The following SEL1L3 variants were observed in gnomAD, a reference collection of about 807,000 sequenced individuals.
SEL1L3 encodes SEL1L family member 3.
Under a neutral mutation model 142.8 loss-of-function variants are expected in SEL1L3, and 76 were observed. The ratio of observed to expected loss-of-function variants is 0.53; its 90% confidence interval spans 0.44 to 0.64. SEL1L3 has a LOEUF of 0.64. Ranked by LOEUF, SEL1L3 falls within the 30% of genes least tolerant of loss-of-function variation. The pLI, the probability that SEL1L3 is intolerant of heterozygous loss-of-function variation, is 0.00. For synonymous variants in SEL1L3, 504 were observed against 519.6 expected, an observed-to-expected ratio of 0.97 and a Z score of 0.41; for missense variants, 1,262 against 1,381.7, an observed-to-expected ratio of 0.91 and a Z score of 1.37.
chr4:25,757,912 C>A (rs760042836), intron 21 of SEL1L3, 122 bp from the exon 22 acceptor site: 3 of 684,648 alleles, frequency 4.4e-6, no homozygotes, highest in Non-Finnish European at 7.7e-6. Context: ...GCACACTCAA[C>A]TGACAAAGAT....
chr4:25,767,707 A>C, intron 18 of SEL1L3, 33 bp downstream of exon 18: 1 of 1,499,922 alleles, frequency 6.7e-7, no homozygotes. Flanking sequence ...TTAACCTCAG[A>C]GCTTCTACTC....
At chr4:25,822,490 T>C (rs768809210) in intron 6 of SEL1L3, among the ~76,000 whole-genome samples, 6 of 152,136 alleles carry the variant, frequency 3.9e-5, no homozygotes, top group Non-Finnish European at 7.4e-5. Flanking sequence ...GTATTGATAG[T>C]GGTGGTATTG....
chr4:25,759,976 T>A (rs902188142), intron 20 of SEL1L3: 2 of 152,182 alleles, frequency 1.3e-5, no homozygotes, highest in African/African-American at 4.8e-5. Flanking sequence ...GTCATACAGA[T>A]TATTTTGTTA....
rs1371830288 is a variant in SEL1L3 at position 25,813,611 on chromosome 4, A to C, written c.1564+4527T>G. ...AGTATGGATTTTCAGTTTTGCAAGA[A>C]AAAAGTCGTGGAGCTCTGTGGCACA... On this transcript the variant is annotated intron_variant, in intron 9 of 23. Transcript: ENST00000399878. Among the ~76,000 whole-genome samples, 4 of 152,240 alleles carry C rather than the reference A, an allele frequency of 2.6e-5. No homozygotes were observed. In the East Asian group the frequency reaches 7.7e-4, roughly 29 times the overall value.
At chr4:25,835,069 C>G (rs1715711573) in intron 3 of SEL1L3, 128 bp downstream of exon 3, 1 of 1,108,308 alleles carries the variant, frequency 9.0e-7, no homozygotes, top group Non-Finnish European at 1.3e-6. Flanking sequence ...CCATGGAAAT[C>G]TCAACATTTT....
chr4:25,808,953 G>A (rs60226745), intron 9 of SEL1L3, among the ~76,000 whole-genome samples: 2 of 149,934 alleles, frequency 1.3e-5, no homozygotes, highest in Admixed American at 6.7e-5. Flanking sequence ...AGTGCCTGTA[G>A]TCCCATCTAC....
intron 2 of SEL1L3, 57 bp downstream of exon 2, chr4:25,847,237 T>A: frequency 7.0e-7 from 1 of 1,423,918 alleles, no homozygotes; most frequent in Non-Finnish European, 9.7e-7. Context: ...CATTCGATCA[T>A]GATACAGGCT....
chr4:25,833,594 T>A (rs982492958), intron 3 of SEL1L3, 25 bp from the exon 4 acceptor site: 1 of 1,583,270 alleles, frequency 6.3e-7, no homozygotes, highest in Non-Finnish European at 8.6e-7. Flanking sequence ...GGGAAAAAAA[T>A]TCTGCAGATT....
chr4:25,748,559 C>G lies in SEL1L3; in HGVS notation c.3265G>C (p.Asp1089His). The change falls in exon 24 of 24, where the codon GAT becomes CAT. Residue 1089 changes from aspartate (D) to histidine (H), a missense_variant. Around this residue, in one of 3 missense-constraint regions of SEL1L3, gnomAD observed 138 missense variants for 129.7 expected, o/e 1.06. Coordinates refer to ENST00000399878, the MANE Select transcript of SEL1L3 (RefSeq NM_015187.5). ...GCCTGGGATGGTCTTGGAGGGGGAT[C>G]GCTTGCTGCAGAGACACATGCACAA... is the stretch of plus-strand genomic sequence containing the variant. ...VQYFQSVSAS[D>H]PPPRPSQASP... 1.2e-6 allele frequency: 2 copies of G among 1,609,452 alleles called. No homozygotes were observed. Among genetic ancestry groups the G allele is most frequent in the Non-Finnish European group, 1.7e-6 (2 of 1,178,194 alleles).
At chr4:25,846,399 T>C (rs1716514359) in intron 2 of SEL1L3, among the ~76,000 whole-genome samples, 2 of 152,188 alleles carry the variant, frequency 1.3e-5, no homozygotes, top group Non-Finnish European at 1.5e-5. Context: ...CACATCTCAT[T>C]TAGTCCTCAC....
chr4:25,757,429 G>A, intron 23 of SEL1L3, 105 bp downstream of exon 23: 1 of 849,634 alleles, frequency 1.2e-6, no homozygotes, highest in Non-Finnish European at 1.7e-6. Flanking sequence ...ACAGCACCAG[G>A]AGGGAAAACA....
rs73103935 is a variant in SEL1L3, at chr4:25,779,090, A to G, written c.2571T>C (p.Pro857=). The G allele has an allele frequency of 8.2e-4, 1,322 of 1,613,372 alleles. 11 individuals are homozygous for G. In the African/African-American group the frequency reaches 0.016, roughly 19 times the overall value. ...CAGAGTCTTACACAACAGCTTTCTC[A>G]GGATCTCTAGGGAATGTCTCCAGGT... The part of the protein sequence containing the change: ...TGNLETFPRD[P]EKAVVWAKHV... The change falls in exon 16 of 24, where the codon CCT becomes CCC. Residue 857 remains proline (P), a synonymous_variant. Transcript: ENST00000399878.
the SEL1L3 span, among the ~76,000 whole-genome samples, chr4:25,737,890 CT>C: frequency 1.3e-5 from 2 of 150,952 alleles, no homozygotes; most frequent in African/African-American, 2.4e-5. Context: ...ATACAGTTGC[CT>C]TTTTTTTTGT....
At chr4:25,795,030 GA>G (rs1320055960) in intron 11 of SEL1L3, among the ~76,000 whole-genome samples, 2 of 87,568 alleles carry the variant, frequency 2.3e-5, no homozygotes, top group African/African-American at 9.2e-5. Flanking sequence ...ACAGGGAGGG[GA>G]AAAACACACA....
chr4:25,862,962 A>G lies in SEL1L3; in HGVS notation c.-126T>C. 1 of 526,758 alleles carries G rather than the reference A, an allele frequency of 1.9e-6. No homozygotes were observed. The highest frequency in any genetic ancestry group is 2.2e-6 in the Non-Finnish European group (1 of 449,344). The allele number at this position is 526,758 out of a possible 1,614,324, so 32.6% of individuals were successfully genotyped here. On this transcript the variant is annotated 5_prime_UTR_variant, in exon 1 of 24. Coordinates refer to ENST00000399878, the MANE Select transcript of SEL1L3 (RefSeq NM_015187.5). ...GCCGCGCGCGGGGCCACCTGCCGCCACCTCCGGACCCGCCGCCGCCGCCAC... is the reference window on the plus strand; with the variant it reads ...GCCGCGCGCGGGGCCACCTGCCGCCGCCTCCGGACCCGCCGCCGCCGCCAC...
chr4:25,807,470 G>C (rs1249009604), intron 9 of SEL1L3, among the ~76,000 whole-genome samples: 1 of 152,086 alleles, frequency 6.6e-6, no homozygotes. Flanking sequence ...GTAGCACTCA[G>C]AGTTGCAAAA....
At chr4:25,744,049 AATTAGC>A (rs1717190210), downstream of SEL1L3, among the ~76,000 whole-genome samples, 1 of 152,146 alleles carries the variant, frequency 6.6e-6, no homozygotes, top group Non-Finnish European at 1.5e-5. Context: ...ATGAATTGAC[AATTAGC>A]TTACCAGCTT....
At chr4:25,861,470 T>A (rs1011062287) in intron 1 of SEL1L3, among the ~76,000 whole-genome samples, 2 of 152,160 alleles carry the variant, frequency 1.3e-5, no homozygotes, top group Non-Finnish European at 2.9e-5. Context: ...ATTCAAGAAG[T>A]AAAAAACGTT....
chr4:25,803,642 T>C (rs1455994719), intron 10 of SEL1L3, among the ~76,000 whole-genome samples: 2 of 152,184 alleles, frequency 1.3e-5, no homozygotes, highest in Admixed American at 6.5e-5. Context: ...ACAGACGGCC[T>C]TCTCCACTGT....
Sources: allele counts gnomAD v4.1 joint callset (sites outside exome capture counted in the v4.1 genomes callset), GRCh38; gene constraint gnomAD v4.1.1; regional missense constraint gnomAD v4.1.1; transcripts MANE v1.5; gene names NCBI Gene and HGNC (gene_info 2026-07-23, HGNC 2026-07-21).